The following KAZN variants were observed in gnomAD, a reference collection of about 807,000 sequenced individuals.
KAZN encodes the protein kazrin.
Under a neutral mutation model 87.4 loss-of-function variants are expected in KAZN, and 40 were observed. That is an observed-to-expected ratio of 0.46 (90% confidence interval 0.36 to 0.60). The LOEUF (loss-of-function observed/expected upper bound fraction) is 0.60, where lower values mean the gene tolerates loss of function less well. Among genes scored for constraint, KAZN ranks in the 20% least tolerant of loss-of-function variants. The pLI is 0.00. For synonymous variants in KAZN, 466 were observed against 458.3 expected (o/e 1.02, Z -0.22); for missense variants, 898 against 1,073.9 (o/e 0.84, Z 2.29).
At chr1:14,092,473 C>T (rs1356606726) in intron 1 of KAZN, among the ~76,000 whole-genome samples, 5 of 149,334 alleles carry the variant, frequency 3.3e-5, no homozygotes, top group Admixed American at 6.7e-5. Context: ...TATATATATA[C>T]ACACACACAA....
chr1:14,633,364 A>G (rs1301387262), intron 1 of KAZN, among the ~76,000 whole-genome samples: 1 of 152,172 alleles, frequency 6.6e-6, no homozygotes, highest in Non-Finnish European at 1.5e-5. Context: ...GGAAGGCAAG[A>G]GGGTCCGAAT....
intron 2 of KAZN, among the ~76,000 whole-genome samples, chr1:14,443,752 A>G (rs1403473965): frequency 6.6e-6 from 1 of 152,218 alleles, no homozygotes; most frequent in Non-Finnish European, 1.5e-5. Context: ...CATGTGACCT[A>G]AGTATTTTGC....
chr1:13,921,159 T>C (rs1044377540), intron 1 of KAZN, among the ~76,000 whole-genome samples: 1 of 152,248 alleles, frequency 6.6e-6, no homozygotes, highest in African/African-American at 2.4e-5. Flanking sequence ...TTTATTTCCA[T>C]AATACATTTT....
intron 1 of KAZN, among the ~76,000 whole-genome samples, chr1:14,753,152 C>T (rs1052224432): frequency 3.9e-5 from 6 of 152,000 alleles, no homozygotes; most frequent in African/African-American, 1.5e-4. Flanking sequence ...TGAGGGAGCT[C>T]CAGGAAGCAT....
intron 1 of KAZN, among the ~76,000 whole-genome samples, chr1:14,768,309 A>G (rs906869519): frequency 1.3e-5 from 2 of 152,234 alleles, no homozygotes; most frequent in African/African-American, 2.4e-5. Context: ...TTTGTGGAGC[A>G]CTTCTTGTGA....
intron 2 of KAZN, among the ~76,000 whole-genome samples, chr1:15,006,444 C>T (rs1023849257): frequency 5.3e-5 from 8 of 152,212 alleles, no homozygotes; most frequent in African/African-American, 1.9e-4. Context: ...GCTGGTCCCT[C>T]CTGACAGCGA....
chr1:14,865,377 C>T (rs946611496), intron 1 of KAZN, among the ~76,000 whole-genome samples: 3 of 152,210 alleles, frequency 2.0e-5, no homozygotes, highest in African/African-American at 7.2e-5. Flanking sequence ...ATCTACAACA[C>T]ATCTGCTTAG....
intron 1 of KAZN, among the ~76,000 whole-genome samples, chr1:13,938,111 T>A (rs1413126264): frequency 1.3e-5 from 2 of 152,232 alleles, no homozygotes; most frequent in African/African-American, 2.4e-5. Flanking sequence ...ATCTGTAGAT[T>A]GCTTTGGGCA....
chr1:15,006,593 C>G (rs1669027188), intron 2 of KAZN, among the ~76,000 whole-genome samples: 1 of 152,248 alleles, frequency 6.6e-6, no homozygotes, highest in South Asian at 2.1e-4. Context: ...TGAATACCTA[C>G]TATGTTCCAG....
At chr1:14,948,319 T>C (rs1057486604) in intron 1 of KAZN, among the ~76,000 whole-genome samples, 14 of 152,348 alleles carry the variant, frequency 9.2e-5, no homozygotes, top group African/African-American at 3.1e-4. Flanking sequence ...ATCTGAATCC[T>C]GTCCTGGTCT....
intron 1 of KAZN, among the ~76,000 whole-genome samples, chr1:14,084,344 C>T (rs1643786287): frequency 6.6e-6 from 1 of 152,084 alleles, no homozygotes. Flanking sequence ...GTTTGGACAT[C>T]CAGGTGGGGT....
chr1:14,526,319 G>T (rs753620039), intron 2 of KAZN, among the ~76,000 whole-genome samples: 16 of 152,200 alleles, frequency 1.1e-4, no homozygotes, highest in Non-Finnish European at 2.2e-4. Flanking sequence ...TCCCTTTGCA[G>T]CAGAGTCTGG....
intron 1 of KAZN, among the ~76,000 whole-genome samples, chr1:14,783,165 T>C (rs1645407429): frequency 6.6e-6 from 1 of 152,238 alleles, no homozygotes; most frequent in South Asian, 2.1e-4. Context: ...GGCTGATATT[T>C]GGAGTTTGCT....
intron 2 of KAZN, among the ~76,000 whole-genome samples, chr1:14,391,058 G>C (rs192901970): frequency 2.0e-5 from 3 of 152,312 alleles, no homozygotes; most frequent in Non-Finnish European, 2.9e-5. Context: ...TGTTAACAGA[G>C]CCACTCTGGC....
chr1:14,552,905 G>A (rs1263494415), intron 2 of KAZN, among the ~76,000 whole-genome samples: 1 of 152,134 alleles, frequency 6.6e-6, no homozygotes, highest in Non-Finnish European at 1.5e-5. Flanking sequence ...GAGACAATAA[G>A]GCTGGTGGGG....
At chr1:14,363,167 C>T (rs1233705595) in intron 2 of KAZN, among the ~76,000 whole-genome samples, 3 of 152,220 alleles carry the variant, frequency 2.0e-5, no homozygotes, top group Non-Finnish European at 2.9e-5. Context: ...TCCTCATCAT[C>T]TTGCTAAGGT....
rs1644975203 is a variant in KAZN, at chr1:14,769,771, G to A, written c.226+170548G>A. On this transcript the variant is annotated intron_variant, in intron 1 of 14. Transcript: ENST00000376030. This position sits in a 1 kb window ranked among gnomAD's most constrained non-coding sequence, Gnocchi z 4.1. ...AGCAAACATGGATTGACCATCCTCT[G>A]TGTGCTGCCAATGAGATTCCAGTGA... Among the ~76,000 whole-genome samples, 1 of 152,246 alleles carries A rather than the reference G, an allele frequency of 6.6e-6. No individual in the cohort carries two copies. Among genetic ancestry groups the A allele is most frequent in the African/African-American group, 2.4e-5 (1 of 41,472 alleles).
At chr1:14,008,453 T>A (rs1640133286) in intron 1 of KAZN, among the ~76,000 whole-genome samples, 1 of 152,210 alleles carries the variant, frequency 6.6e-6, no homozygotes, top group South Asian at 2.1e-4. Flanking sequence ...AGACATGGAT[T>A]ATCTGTTCAT....
chr1:14,398,900 G>C (rs1394108983), intron 2 of KAZN, among the ~76,000 whole-genome samples: 2 of 152,070 alleles, frequency 1.3e-5, no homozygotes, highest in Admixed American at 1.3e-4. Context: ...GTGACTTTCG[G>C]ATTACTCGGG....
Sources: allele counts gnomAD v4.1 joint callset (sites outside exome capture counted in the v4.1 genomes callset), GRCh38; gene constraint gnomAD v4.1.1; non-coding constraint Gnocchi (gnomAD v3.1); transcripts MANE v1.5; gene names NCBI Gene and HGNC (gene_info 2026-07-23, HGNC 2026-07-21).